Variants in ADGRE3 observed in about 807,000 individuals in gnomAD.
ADGRE3 encodes EGF-like module receptor 3.
Under a neutral mutation model 80.1 loss-of-function variants are expected in ADGRE3, and 88 were observed. The ratio of observed to expected loss-of-function variants is 1.10; its 90% CI spans 0.93 to 1.31. The LOEUF (loss-of-function observed/expected upper bound fraction) is 1.31, where lower values mean the gene tolerates loss of function less well. Among genes scored for constraint, ADGRE3 ranks in the 40% most tolerant of loss-of-function variants. The probability of loss-of-function intolerance (pLI) is 0.00; values close to 1 mark genes in which losing one functional copy is unlikely to be tolerated. For synonymous variants in ADGRE3, 281 were observed against 294.8 expected, an observed-to-expected ratio of 0.95 and a Z score of 0.48; for missense variants, 715 against 776.5, an observed-to-expected ratio of 0.92 and a Z score of 0.94.
At chr19:14,655,792 C>T (rs1326154043) in intron 5 of ADGRE3, among the ~76,000 whole-genome samples, 1 of 151,778 alleles carries the variant, frequency 6.6e-6, no homozygotes, top group Non-Finnish European at 1.5e-5. Flanking sequence ...TTTTTGCCAA[C>T]AAGGTAGTGA....
intron 4 of ADGRE3, 50 bp from the exon 5 acceptor site, chr19:14,658,600 G>A: frequency 6.9e-7 from 1 of 1,439,812 alleles, no homozygotes. Context: ...GAGTGACCAG[G>A]CAGAGGGGTG....
downstream of ADGRE3, among the ~76,000 whole-genome samples, chr19:14,618,123 T>C (rs2075093288): frequency 6.6e-6 from 1 of 152,178 alleles, no homozygotes; most frequent in South Asian, 2.1e-4. Flanking sequence ...TTGTTTTATA[T>C]AGACAAAAAT....
At chr19:14,615,202 CTTTTTTTTT>C (rs34167082), downstream of ADGRE3, among the ~76,000 whole-genome samples, 21 of 65,632 alleles carry the variant, frequency 3.2e-4, no homozygotes, top group Admixed American at 2.6e-3. Context: ...CAGCTGCCTT[CTTTTTTTTT>C]TTTTTTTTTT....
Position 14,647,286 on chromosome 19 carries a change from C to A in ADGRE3, c.777G>T (p.Lys259Asn). 1 of 1,613,198 alleles carries A rather than the reference C, an allele frequency of 6.2e-7. No individual in the cohort carries two copies. The highest frequency in any genetic ancestry group is 8.5e-7 in the Non-Finnish European group (1 of 1,179,264). ...GAGAGTTCAGATACACTTGATCTTT[C>A]TTATCCATCTCTTCAAAAAAAGTTG... is the stretch of plus-strand genomic sequence containing the variant. ...INATFFEEMD[K>N]KDQVYLNSQV... is the part of the protein sequence containing the mutation. Residue 259 changes from lysine to asparagine, a missense_variant, in exon 8 of 16, where the codon AAG (lysine) becomes AAT (asparagine). Lys to Asn is a moderately conservative substitution (Grantham distance 94). Coordinates refer to ENST00000253673, the MANE Select transcript of ADGRE3 (RefSeq NM_032571.5).
chr19:14,632,994 T>C lies in ADGRE3; in HGVS notation c.1570A>G (p.Ile524Val). 1 of 1,613,714 alleles carries C rather than the reference T, an allele frequency of 6.2e-7. No homozygotes were observed. Among genetic ancestry groups the C allele is most frequent in the Middle Eastern group, 1.6e-4 (1 of 6,062 alleles). Residue 524 changes from isoleucine (I) to valine (V), a missense_variant, in exon 13 of 16, where the codon ATC becomes GTC. By Grantham distance (29) the Ile-to-Val change is conservative (BLOSUM62 3). Coordinates refer to ENST00000253673, the MANE Select transcript of ADGRE3 (RefSeq NM_032571.5). ...AIFSANLVLF[I>V]LVFWILKRKL... Reference sequence around the variant, plus strand: ...CTTTTCAAAATCCAAAAGACCAAGATAAACAATACTAAATTCGCCTGCAGG... The same window carrying C: ...CTTTTCAAAATCCAAAAGACCAAGACAAACAATACTAAATTCGCCTGCAGG...
At chr19:14,655,241 G>A in intron 5 of ADGRE3, 76 bp from the exon 6 acceptor site, 1 of 1,303,060 alleles carries the variant, frequency 7.7e-7, no homozygotes, top group Non-Finnish European at 1.1e-6. Flanking sequence ...ACAGTAGAAA[G>A]CATGAGAAAG....
In ADGRE3 at chr19:14,663,337, C is replaced by T. The variant is rs567631554; in HGVS notation, c.199+81G>A. On this transcript the variant is annotated intron_variant, in intron 3 of 15. Transcript: ENST00000253673. ...CTTTGATCATGCCACAGCAGTCCAG[C>T]CTGGGCAACAGAGCAAGACCCTGTC... 1.2e-5 allele frequency: 11 copies of T among 911,976 alleles called. No homozygotes were observed. In the East Asian group the frequency reaches 5.6e-4, roughly 47 times the overall value. The allele number at this position is 911,976 out of a possible 1,614,324, so 56.5% of individuals were successfully genotyped here. A position where few individuals can be genotyped will look rare whatever the true frequency, so the allele number is the denominator to read the frequency against.
At chr19:14,646,115 C>T (rs1971391187) in intron 8 of ADGRE3, among the ~76,000 whole-genome samples, 1 of 151,860 alleles carries the variant, frequency 6.6e-6, no homozygotes, top group Non-Finnish European at 1.5e-5. Flanking sequence ...ATTTTACATT[C>T]CTTTCTTCTT....
the ADGRE3 span, among the ~76,000 whole-genome samples, chr19:14,608,628 A>AT: frequency 0.18 from 22,113 of 119,588 alleles, 2,503 homozygotes; most frequent in African/African-American, 0.22. Flanking sequence ...ATGAGGAAGA[A>AT]TTTTTTTTTT....
At position 14,646,132 on chromosome 19, in the gene ADGRE3, C is replaced by CT. The variant is rs540488688; in HGVS notation, c.882+1048dup. Among the ~76,000 whole-genome samples the CT allele has an allele frequency of 5.5e-3, 834 of 152,126 alleles. 11 individuals are homozygous for CT. The highest frequency in any genetic ancestry group is 0.019 in the African/African-American group (793 of 41,512). ...TTTACATTCCTTTCTTCTTCTCTTT[C>CT]TTTTTTTCTGAGACGGAGTCTGACT... On this transcript the variant is annotated intron_variant, in intron 8 of 15. Coordinates refer to ENST00000253673, the MANE Select transcript of ADGRE3 (RefSeq NM_032571.5).
chr19:14,616,551 G>A (rs2075076160), downstream of ADGRE3, among the ~76,000 whole-genome samples: 1 of 151,782 alleles, frequency 6.6e-6, no homozygotes, highest in Non-Finnish European at 1.5e-5. Context: ...TGTGGCATCA[G>A]GGAAGCCAAG....
chr19:14,651,896 T>G (rs113320302), intron 6 of ADGRE3, among the ~76,000 whole-genome samples: 114 of 151,910 alleles, frequency 7.5e-4, no homozygotes, highest in African/African-American at 2.7e-3. Context: ...ACAAAAATTA[T>G]CTGGGCATGG....
At chr19:14,629,322 A>G (rs940982596) in intron 14 of ADGRE3, among the ~76,000 whole-genome samples, 4 of 152,166 alleles carry the variant, frequency 2.6e-5, no homozygotes, top group African/African-American at 7.2e-5. Flanking sequence ...TGGAAAAAAA[A>G]TAATTCATGT....
chr19:14,602,950 G>T, the ADGRE3 span, among the ~76,000 whole-genome samples: 3 of 152,026 alleles, frequency 2.0e-5, no homozygotes, highest in African/African-American at 7.2e-5. Context: ...GGCCAGATTG[G>T]TCTCGAACTC....
intron 7 of ADGRE3, 45 bp from the exon 8 acceptor site, chr19:14,647,410 CTTTTTTT>C (rs35043921): frequency 1.2e-4 from 113 of 941,426 alleles, no homozygotes; most frequent in Middle Eastern, 3.7e-4. Flanking sequence ...TCTTTTCTTT[CTTTTTTT>C]TTTTTTTTTT....
chr19:14,631,031 C>G (rs1012903194), intron 13 of ADGRE3, among the ~76,000 whole-genome samples: 11 of 151,896 alleles, frequency 7.2e-5, no homozygotes, highest in Non-Finnish European at 1.3e-4. Flanking sequence ...GTCACCACAC[C>G]CAGCTAATCT....
chr19:14,655,477 A>G (rs1459315144), intron 5 of ADGRE3, among the ~76,000 whole-genome samples: 2 of 152,052 alleles, frequency 1.3e-5, no homozygotes, highest in Non-Finnish European at 2.9e-5. Context: ...TATTTTTGAG[A>G]CAGAGTATTG....
intron 8 of ADGRE3, among the ~76,000 whole-genome samples, chr19:14,644,674 A>G (rs961954304): frequency 6.6e-6 from 1 of 152,104 alleles, no homozygotes; most frequent in Non-Finnish European, 1.5e-5. Context: ...GGCCTATGCC[A>G]GGGTGCCACC....
Position 14,674,777 on chromosome 19 carries a change from G to A in ADGRE3, c.-7C>T. On this transcript the variant is annotated 5_prime_UTR_variant, in exon 1 of 16. Transcript: ENST00000253673. Reference sequence around the variant, plus strand: ...GAAGCAATGGTCCCTGCATTTCTGTGGTACGGGTATCCCACGCCAGCCAGC... The same window carrying A: ...GAAGCAATGGTCCCTGCATTTCTGTAGTACGGGTATCCCACGCCAGCCAGC... 6.2e-7 allele frequency: 1 copy of A among 1,613,820 alleles called. No homozygotes were observed. The highest frequency in any genetic ancestry group is 1.6e-4 in the Middle Eastern group (1 of 6,062).
Sources: gnomAD v4.1 joint callset for allele counts (sites outside exome capture counted in the v4.1 genomes callset) on GRCh38, gnomAD v4.1.1 for gene constraint, MANE v1.5 for transcripts, NCBI Gene and HGNC (gene_info 2026-07-23, HGNC 2026-07-21) for gene names.